Variants in ABI3BP observed in about 807,000 individuals in gnomAD.
ABI3BP encodes the protein ABI family member 3 binding protein.
A neutral mutation model predicts 268.6 loss-of-function variants in ABI3BP; 216 were observed. The ratio of observed to expected loss-of-function variants is 0.80; its 90% CI spans 0.72 to 0.90. The LOEUF is 0.90. ABI3BP is among the 40% of genes least tolerant of loss of function. The pLI is 0.00. For missense variants in ABI3BP, 2,090 were observed against 2,182.4 expected (o/e 0.96, Z 0.84); for synonymous variants, 730 against 730.0 (o/e 1.00, Z 0.00).
At chr3:100,891,844 A>G (rs1261792233) in intron 4 of ABI3BP, among the ~76,000 whole-genome samples, 2 of 152,250 alleles carry the variant, frequency 1.3e-5, no homozygotes, top group African/African-American at 4.8e-5. Context: ...CTGCAGTTTC[A>G]AAAGTGAGCT....
At position 100,816,747 on chromosome 3, in the gene ABI3BP, C is replaced by T. The variant is rs147269874; in HGVS notation, c.3170G>A (p.Arg1057His). 96 of 1,535,720 alleles carry T rather than the reference C, an allele frequency of 6.3e-5. No homozygotes were observed. The East Asian group carries it at 2.0e-3, about 31-fold the overall frequency. ...TTLAPKTQRTRRPRPRPKTTS... is the reference protein window; with the variant it reads ...TTLAPKTQRTHRPRPRPKTTS... ...AGTTTTGGGTCTGGGACGGGGACGA[C>T]GTGTCCGTTGTGTTTTAGGAGCTGA... The change falls in exon 43 of 68, where the codon CGT becomes CAT. Residue 1057 changes from arginine to histidine, a missense_variant. Physicochemically the swap from Arg to His is conservative, Grantham distance 29 (BLOSUM62 0). Coordinates refer to ENST00000471714, the MANE Select transcript of ABI3BP (RefSeq NM_001375547.2).
chr3:100,965,841 G>C (rs1338855166), intron 1 of ABI3BP, among the ~76,000 whole-genome samples: 1 of 152,156 alleles, frequency 6.6e-6, no homozygotes, highest in Non-Finnish European at 1.5e-5. Context: ...CTTGTCCTCA[G>C]CCTGCTCAAT....
chr3:100,935,024 T>C (rs2065418328), intron 1 of ABI3BP, among the ~76,000 whole-genome samples: 1 of 152,202 alleles, frequency 6.6e-6, no homozygotes, highest in South Asian at 2.1e-4. Context: ...GCCATTGCTT[T>C]TGGTGTTTTA....
intron 2 of ABI3BP, among the ~76,000 whole-genome samples, chr3:100,914,170 T>C (rs547876878): frequency 6.6e-6 from 1 of 152,148 alleles, no homozygotes; most frequent in South Asian, 2.1e-4. Context: ...TATGTTTTCA[T>C]GTGGAAAAAA....
At chr3:100,820,421 T>C in intron 39 of ABI3BP, 118 bp from the exon 40 acceptor site, 1 of 833,246 alleles carries the variant, frequency 1.2e-6, no homozygotes, top group Non-Finnish European at 1.8e-6. Flanking sequence ...TCAGGAAATT[T>C]GTCTTTTTAA....
At chr3:100,900,582 G>T (rs1235255877) in intron 3 of ABI3BP, among the ~76,000 whole-genome samples, 1 of 152,112 alleles carries the variant, frequency 6.6e-6, no homozygotes, top group Non-Finnish European at 1.5e-5. Context: ...AGGCTTGTAT[G>T]ACCAAGGGAA....
At chr3:100,911,710 G>C in intron 2 of ABI3BP, 1 of 794,534 alleles carries the variant, frequency 1.3e-6, no homozygotes, top group Non-Finnish European at 2.3e-6. Context: ...GGTACCCTGT[G>C]AAAAAGTCCT....
At chr3:100,896,225 G>A (rs1393592774) in intron 4 of ABI3BP, among the ~76,000 whole-genome samples, 1 of 152,176 alleles carries the variant, frequency 6.6e-6, no homozygotes, top group Non-Finnish European at 1.5e-5. Context: ...CGTGTGCAAG[G>A]GGGTGAGGGT....
chr3:100,779,428 G>A (rs1419877922), intron 58 of ABI3BP, among the ~76,000 whole-genome samples: 3 of 152,218 alleles, frequency 2.0e-5, no homozygotes, highest in Non-Finnish European at 4.4e-5. Flanking sequence ...TTTATAATTT[G>A]CAGAAAGGTT....
chr3:100,755,074 G>C (rs553700189), intron 63 of ABI3BP, among the ~76,000 whole-genome samples: 32 of 152,240 alleles, frequency 2.1e-4, no homozygotes, highest in Non-Finnish European at 3.7e-4. Flanking sequence ...GAAGTGGCAA[G>C]ATTCCATTTT....
intron 9 of ABI3BP, among the ~76,000 whole-genome samples, chr3:100,870,931 C>G (rs760070664): frequency 6.6e-6 from 1 of 151,982 alleles, no homozygotes; most frequent in Non-Finnish European, 1.5e-5. Flanking sequence ...TGATATAAGC[C>G]AAGCACAGAA....
At chr3:100,820,375 T>G in intron 39 of ABI3BP, 72 bp from the exon 40 acceptor site, 5 of 1,192,976 alleles carry the variant, frequency 4.2e-6, no homozygotes, top group Admixed American at 4.9e-5. Context: ...ACATACGGTT[T>G]GAGATCTCTT....
chr3:100,756,314 C>T (rs1445459367), intron 63 of ABI3BP, among the ~76,000 whole-genome samples: 2 of 152,196 alleles, frequency 1.3e-5, no homozygotes, highest in Non-Finnish European at 2.9e-5. Flanking sequence ...CACATGAGGT[C>T]CTGAGTTTGA....
chr3:100,800,046 T>C (rs998064860), intron 51 of ABI3BP, among the ~76,000 whole-genome samples: 1 of 152,162 alleles, frequency 6.6e-6, no homozygotes, highest in Non-Finnish European at 1.5e-5. Flanking sequence ...ATTGTCACCC[T>C]TCTCTCCATA....
At chr3:100,912,184 G>A (rs969561663) in intron 2 of ABI3BP, 47 of 275,706 alleles carry the variant, frequency 1.7e-4, no homozygotes, top group Non-Finnish European at 2.5e-4. Flanking sequence ...TCGTGCTGCC[G>A]TCGGCTCAGG....
At chr3:100,791,453 A>C (rs2097194636) in intron 55 of ABI3BP, among the ~76,000 whole-genome samples, 1 of 151,866 alleles carries the variant, frequency 6.6e-6, no homozygotes, top group African/African-American at 2.4e-5. Context: ...TTTGTGGTAA[A>C]AACAGATTGA....
At chr3:100,808,274 T>C in intron 49 of ABI3BP, 39 bp from the exon 50 acceptor site, 1 of 1,509,924 alleles carries the variant, frequency 6.6e-7, no homozygotes, top group Non-Finnish European at 9.0e-7. Flanking sequence ...CTTGAGCCCT[T>C]CAAGAATGAC....
chr3:100,864,340 GAAC>G (rs1224937480), intron 11 of ABI3BP: 2 of 466,338 alleles, frequency 4.3e-6, no homozygotes, highest in Non-Finnish European at 7.6e-6. Context: ...AGGGGAAAGA[GAAC>G]AACAAAGCAA....
At chr3:100,767,977 G>A (rs2096361765) in intron 62 of ABI3BP, among the ~76,000 whole-genome samples, 1 of 151,966 alleles carries the variant, frequency 6.6e-6, no homozygotes, top group Non-Finnish European at 1.5e-5. Context: ...AAGCATCTTT[G>A]GCTTGGGACA....
Sources: gnomAD v4.1 joint callset for allele counts (sites outside exome capture counted in the v4.1 genomes callset) on GRCh38, gnomAD v4.1.1 for gene constraint, MANE v1.5 for transcripts, NCBI Gene and HGNC (gene_info 2026-07-23, HGNC 2026-07-21) for gene names.